Variants in MAST2 observed in about 807,000 individuals in gnomAD.
MAST2 encodes microtubule associated serine/threonine kinase 2, also known as microtubule-associated serine/threonine-protein kinase 2.
In MAST2, 70 loss-of-function variants were observed where a neutral mutation model predicts 147.4. The observed-to-expected ratio is 0.47, with a 90% CI of 0.39 to 0.58. The LOEUF (loss-of-function observed/expected upper bound fraction) is 0.58. Among genes scored for constraint, MAST2 ranks in the 20% least tolerant of loss-of-function variants. MAST2 has a pLI of 0.00. For missense variants in MAST2, 2,080 were observed against 2,302.3 expected (o/e 0.90, Z 1.98); for synonymous variants, 869 against 896.8 (o/e 0.97, Z 0.55).
chr1:45,847,062 T>C, intron 3 of MAST2: 2 of 423,064 alleles, frequency 4.7e-6, no homozygotes, highest in South Asian at 3.9e-5. Flanking sequence ...CACTAAATCT[T>C]GGTCTGTAGT....
chr1:45,864,994 G>T, intron 3 of MAST2: 1 of 400,218 alleles, frequency 2.5e-6, no homozygotes, highest in South Asian at 1.8e-5. Flanking sequence ...TAGTGGAACA[G>T]TGGGTTAGTG....
At chr1:45,957,021 G>A (rs1397014331) in intron 4 of MAST2, among the ~76,000 whole-genome samples, 1 of 152,158 alleles carries the variant, frequency 6.6e-6, no homozygotes. Context: ...CCCTTTTAGC[G>A]CATGTGTCAG....
chr1:45,858,864 AT>A (rs1439695611), intron 3 of MAST2, among the ~76,000 whole-genome samples: 2 of 152,130 alleles, frequency 1.3e-5, no homozygotes, highest in South Asian at 4.1e-4. Flanking sequence ...CATTTATTAA[AT>A]AGGGAATCCT....
chr1:46,031,006 G>C lies in MAST2; in HGVS notation c.2709-1G>C. ...CTCACCCCAGGCCTTGTGTCTCATA[G>C]ATTACGGAAGCGGCTGTCGGTGTCT... On this transcript the variant is annotated splice_acceptor_variant, in intron 22 of 28. Coordinates refer to ENST00000361297, the MANE Select transcript of MAST2 (RefSeq NM_015112.3). LOFTEE classifies it high-confidence loss of function. This position sits in a 1 kb window ranked among gnomAD's most constrained non-coding sequence, Gnocchi z 4.1. 1 of 1,612,780 alleles carries C rather than the reference G, an allele frequency of 6.2e-7. No individual in the cohort carries two copies. The highest frequency in any genetic ancestry group is 8.5e-7 in the Non-Finnish European group (1 of 1,179,252).
At chr1:45,994,298 T>C (rs1279241938) in intron 5 of MAST2, among the ~76,000 whole-genome samples, 1 of 144,918 alleles carries the variant, frequency 6.9e-6, no homozygotes, top group African/African-American at 2.6e-5. Flanking sequence ...TTTTTTTTTT[T>C]TGAGAAGGAG....
intron 5 of MAST2, 66 bp downstream of exon 5, chr1:45,959,543 A>G: frequency 3.0e-6 from 4 of 1,333,458 alleles, no homozygotes; most frequent in East Asian, 2.3e-5. Context: ...TTTCTTTCCT[A>G]CTTCTCATGT....
At chr1:45,954,308 A>AG (rs1659354380) in intron 4 of MAST2, among the ~76,000 whole-genome samples, 1 of 152,108 alleles carries the variant, frequency 6.6e-6, no homozygotes, top group South Asian at 2.1e-4. Context: ...TAGTTGCTGG[A>AG]GGGAGGGGTT....
intron 3 of MAST2, among the ~76,000 whole-genome samples, chr1:45,879,026 A>G (rs1646727630): frequency 6.6e-6 from 1 of 152,110 alleles, no homozygotes; most frequent in African/African-American, 2.4e-5. Context: ...AAAATAATAA[A>G]GTTAAAGGAC....
intron 1 of MAST2, among the ~76,000 whole-genome samples, chr1:45,813,383 G>T (rs1282365501): frequency 6.6e-6 from 1 of 151,630 alleles, no homozygotes; most frequent in African/African-American, 2.4e-5. Context: ...AGGCTGGAGT[G>T]CAGTGGTGCG....
intron 4 of MAST2, among the ~76,000 whole-genome samples, chr1:45,935,560 A>G (rs370961024): frequency 1.1e-4 from 17 of 152,218 alleles, no homozygotes; most frequent in African/African-American, 4.1e-4. Flanking sequence ...TCTTGAGTTG[A>G]TTTTTGTATA....
Position 46,034,624 on chromosome 1 carries a change from C to G in MAST2, c.3955C>G (p.Leu1319Val). Reference sequence around the variant, plus strand: ...CTCTGGGCACACACGGCCCAGCTCCCTCCACGGTCTGGCACCCAAGCTCCA... The same window carrying G: ...CTCTGGGCACACACGGCCCAGCTCCGTCCACGGTCTGGCACCCAAGCTCCA... ...AGSGHTRPSS[L>V]HGLAPKLQRQ... is the part of the protein sequence containing the mutation. The change falls in exon 29 of 29, where the codon CTC (leucine) becomes GTC (valine). Residue 1319 changes from leucine to valine, a missense_variant. Transcript: ENST00000361297. 1 of 1,614,152 alleles carries G rather than the reference C, an allele frequency of 6.2e-7. No individual in the cohort carries two copies. Among genetic ancestry groups the G allele is most frequent in the Non-Finnish European group, 8.5e-7 (1 of 1,180,026 alleles).
intron 4 of MAST2, among the ~76,000 whole-genome samples, chr1:45,920,567 G>T (rs1653300077): frequency 6.6e-6 from 1 of 152,140 alleles, no homozygotes; most frequent in Non-Finnish European, 1.5e-5. Context: ...CAGAAGTCTA[G>T]TCTTGCTAAT....
At chr1:45,937,393 G>A (rs903771889) in intron 4 of MAST2, among the ~76,000 whole-genome samples, 3 of 151,312 alleles carry the variant, frequency 2.0e-5, no homozygotes, top group Non-Finnish European at 4.4e-5. Context: ...AGCTTCCCAA[G>A]TAGCAAGGAC....
intron 4 of MAST2, among the ~76,000 whole-genome samples, chr1:45,887,306 A>G (rs796311797): frequency 1.5e-4 from 23 of 152,336 alleles, no homozygotes; most frequent in African/African-American, 5.1e-4. Context: ...CTTAGAGGCT[A>G]TGAGCAGTCA....
chr1:45,880,830 A>C (rs1024577497), intron 3 of MAST2, among the ~76,000 whole-genome samples: 3 of 152,000 alleles, frequency 2.0e-5, no homozygotes, highest in African/African-American at 7.2e-5. Flanking sequence ...AAAATACAAA[A>C]AAATTAGCTG....
chr1:46,031,348 G>A lies in MAST2; in HGVS notation c.2993-43G>A, dbSNP rs1646657722. On this transcript the variant is annotated intron_variant, in intron 23 of 28. Coordinates refer to ENST00000361297, the MANE Select transcript of MAST2 (RefSeq NM_015112.3). The surrounding 1 kb of genome is among the most constrained non-coding windows in gnomAD (Gnocchi z 4.1). ...CTGGAGGATACTGCAGGGCAGGGAG[G>A]CTCAGCGGCATCGCGGGTCTCACTG... 1.3e-6 allele frequency: 2 copies of A among 1,579,866 alleles called. No individual in the cohort carries two copies. The highest frequency in any genetic ancestry group is 1.7e-6 in the Non-Finnish European group (2 of 1,159,366).
rs554386240 is a variant in MAST2 at position 46,001,350 on chromosome 1, T to C, written c.669-1455T>C. On this transcript the variant is annotated intron_variant, in intron 6 of 28. Coordinates refer to ENST00000361297, the MANE Select transcript of MAST2 (RefSeq NM_015112.3). ...GACTCTGGTGGCCCCTGCTGTTCAT[T>C]ATACAGAGAAATTGCTGCCATGCAG... 3.9e-5 allele frequency among the ~76,000 whole-genome samples: 6 copies of C among 152,252 alleles called. 1 individual carries two copies. Among genetic ancestry groups the C allele is most frequent in the Non-Finnish European group, 5.9e-5 (4 of 68,038 alleles).
chr1:45,854,753 C>G (rs901962650), intron 3 of MAST2, among the ~76,000 whole-genome samples: 3 of 152,116 alleles, frequency 2.0e-5, no homozygotes, highest in African/African-American at 7.2e-5. Flanking sequence ...AGCTGGGTGC[C>G]TTATAATTTA....
intron 4 of MAST2, among the ~76,000 whole-genome samples, chr1:45,885,938 T>G (rs1647061031): frequency 6.6e-6 from 1 of 152,004 alleles, no homozygotes; most frequent in South Asian, 2.1e-4. Flanking sequence ...TGTGTTTCTG[T>G]GGGGGTGAGG....
Sources: allele counts gnomAD v4.1 joint callset (sites outside exome capture counted in the v4.1 genomes callset), GRCh38; gene constraint gnomAD v4.1.1; non-coding constraint Gnocchi (gnomAD v3.1); transcripts MANE v1.5; gene names NCBI Gene and HGNC (gene_info 2026-07-23, HGNC 2026-07-21).